The following CNTNAP4 variants were observed in gnomAD, a reference collection of about 807,000 sequenced individuals.
The protein encoded by CNTNAP4 is contactin associated protein family member 4.
In CNTNAP4, 98 loss-of-function variants were observed where a neutral mutation model predicts 148.4. The ratio of observed to expected loss-of-function variants is 0.66; its 90% CI spans 0.56 to 0.78. The LOEUF (loss-of-function observed/expected upper bound fraction) is 0.78. Ranked by LOEUF, CNTNAP4 falls within the 30% of genes least tolerant of loss-of-function variation. The probability of loss-of-function intolerance (pLI) is 0.00; values close to 1 mark genes in which losing one functional copy is unlikely to be tolerated. For synonymous variants in CNTNAP4, 730 were observed against 565.1 expected (o/e 1.29, Z -4.14); for missense variants, 1,935 against 1,565.6 (o/e 1.24, Z -3.98).
rs1555518793 is a variant in CNTNAP4, at chr16:76,307,539, T to TGTATATAC, written c.86-8874_86-8873insGTATATAC. ...ATATATATATATATATATATATATA[T>TGTATATAC]ACCAAACTCCAGAAATGCTTACCCC... On this transcript the variant is annotated intron_variant, in intron 1 of 23. Transcript: ENST00000611870. Among the ~76,000 whole-genome samples, 8 of 119,378 alleles carry TGTATATAC rather than the reference T, an allele frequency of 6.7e-5. 2 individuals carry two copies. Among genetic ancestry groups the TGTATATAC allele is most frequent in the African/African-American group, 2.7e-4 (8 of 29,868 alleles). 78.3% of individuals were successfully genotyped at this position (119,378 alleles called of 152,430 possible).
At chr16:76,419,730 G>T (rs913584114) in intron 3 of CNTNAP4, among the ~76,000 whole-genome samples, 6 of 152,008 alleles carry the variant, frequency 3.9e-5, no homozygotes, top group Non-Finnish European at 8.8e-5. Context: ...TTAAACAACA[G>T]ACATTTATTA....
At chr16:76,317,583 C>T (rs945478520) in intron 2 of CNTNAP4, among the ~76,000 whole-genome samples, 1 of 152,140 alleles carries the variant, frequency 6.6e-6, no homozygotes, top group African/African-American at 2.4e-5. Context: ...TTTTGGTTCT[C>T]CCATTTATTA....
chr16:76,489,614 T>G, intron 12 of CNTNAP4, 72 bp from the exon 13 acceptor site: 1 of 825,180 alleles, frequency 1.2e-6, no homozygotes, highest in Non-Finnish European at 1.7e-6. Flanking sequence ...GATTTTGATT[T>G]TCTTTATTTA....
At chr16:76,433,842 G>A (rs543106911) in intron 4 of CNTNAP4, among the ~76,000 whole-genome samples, 16 of 152,224 alleles carry the variant, frequency 1.1e-4, no homozygotes, top group Middle Eastern at 3.4e-3. Flanking sequence ...TTATCTATCA[G>A]CTAATATAGT....
chr16:76,349,947 A>G (rs1448451817), intron 2 of CNTNAP4, among the ~76,000 whole-genome samples: 2 of 151,962 alleles, frequency 1.3e-5, no homozygotes, highest in Non-Finnish European at 2.9e-5. Context: ...GGTGATTCTT[A>G]TCTATATTTT....
At chr16:76,544,277 A>G (rs1296935719) in intron 21 of CNTNAP4, among the ~76,000 whole-genome samples, 2 of 151,862 alleles carry the variant, frequency 1.3e-5, no homozygotes, top group African/African-American at 4.8e-5. Flanking sequence ...TAACTGTCCC[A>G]TGCTTTTTCA....
intron 17 of CNTNAP4, among the ~76,000 whole-genome samples, chr16:76,524,852 A>C (rs2083646646): frequency 6.6e-6 from 1 of 152,172 alleles, no homozygotes. Flanking sequence ...TTGTGAAAAA[A>C]GGTGACATAT....
At chr16:76,545,105 A>G (rs1002658412) in intron 21 of CNTNAP4, among the ~76,000 whole-genome samples, 6 of 152,252 alleles carry the variant, frequency 3.9e-5, no homozygotes, top group African/African-American at 1.4e-4. Context: ...ATGTTTTAAA[A>G]GGAAAGTGCA....
In CNTNAP4 at chr16:76,482,180, G is replaced by A. The variant is rs140012576; in HGVS notation, c.1882+2642G>A. Among the ~76,000 whole-genome samples, 546 of 152,138 alleles carry A rather than the reference G, an allele frequency of 3.6e-3. 3 individuals carry two copies. Among genetic ancestry groups the A allele is most frequent in the African/African-American group, 0.012 (517 of 41,524 alleles). ...TTGTACTTTATAAGATACAATTTCA[G>A]TATCTTAATTGTATTGGGAGACCAT... On this transcript the variant is annotated intron_variant, in intron 12 of 23. Transcript: ENST00000611870.
chr16:76,320,236 T>C (rs1345866323), intron 2 of CNTNAP4, among the ~76,000 whole-genome samples: 1 of 152,178 alleles, frequency 6.6e-6, no homozygotes, highest in African/African-American at 2.4e-5. Context: ...TGGGTAAAGA[T>C]TAGATCTTGT....
chr16:76,442,751 G>A (rs1187454542), intron 4 of CNTNAP4, among the ~76,000 whole-genome samples: 2 of 151,980 alleles, frequency 1.3e-5, no homozygotes, highest in Non-Finnish European at 2.9e-5. Context: ...CATTCATAAG[G>A]GATCTGCCTC....
chr16:76,369,460 A>G (rs529426777), intron 3 of CNTNAP4, among the ~76,000 whole-genome samples: 6 of 152,296 alleles, frequency 3.9e-5, no homozygotes, highest in African/African-American at 1.2e-4. Context: ...ATAACCAGGA[A>G]AGCTGGTGGT....
chr16:76,448,286 T>C (rs2080325319), intron 5 of CNTNAP4, 71 bp downstream of exon 5: 1 of 1,089,084 alleles, frequency 9.2e-7, no homozygotes, highest in Non-Finnish European at 1.3e-6. Flanking sequence ...TATGCTTTTA[T>C]AGCTTATCTT....
intron 8 of CNTNAP4, among the ~76,000 whole-genome samples, chr16:76,453,116 C>T (rs1229329094): frequency 1.3e-5 from 2 of 152,122 alleles, no homozygotes; most frequent in South Asian, 4.1e-4. Context: ...AAGTGTTCTT[C>T]AATGGAAAAC....
intron 4 of CNTNAP4, among the ~76,000 whole-genome samples, chr16:76,429,265 A>G (rs1475858005): frequency 1.3e-5 from 2 of 152,136 alleles, no homozygotes; most frequent in African/African-American, 4.8e-5. Context: ...TTGTCTTTGG[A>G]TCGTAGAGCT....
intron 14 of CNTNAP4, among the ~76,000 whole-genome samples, chr16:76,497,470 C>T (rs538116133): frequency 1.3e-5 from 2 of 151,914 alleles, no homozygotes; most frequent in East Asian, 1.9e-4. Context: ...CAAGAGGAGG[C>T]AGCAAAGGAA....
intron 4 of CNTNAP4, among the ~76,000 whole-genome samples, chr16:76,446,289 A>G (rs545920284): frequency 1.5e-3 from 232 of 152,308 alleles, no homozygotes; most frequent in African/African-American, 5.3e-3. Flanking sequence ...GTTGACTGGA[A>G]GAAGCCAGCT....
At chr16:76,409,850 G>C (rs897597879) in intron 3 of CNTNAP4, among the ~76,000 whole-genome samples, 5 of 151,832 alleles carry the variant, frequency 3.3e-5, no homozygotes, top group Admixed American at 1.3e-4. Context: ...TTAATAAACT[G>C]TCTGTAACAC....
chr16:76,445,581 A>C (rs1361335101), intron 4 of CNTNAP4, among the ~76,000 whole-genome samples: 1 of 152,134 alleles, frequency 6.6e-6, no homozygotes, highest in African/African-American at 2.4e-5. Flanking sequence ...ATGGTTTTAT[A>C]TGTTTTTCTC....
Sources: gnomAD v4.1 joint callset for allele counts (sites outside exome capture counted in the v4.1 genomes callset) on GRCh38, gnomAD v4.1.1 for gene constraint, MANE v1.5 for transcripts, NCBI Gene and HGNC (gene_info 2026-07-23, HGNC 2026-07-21) for gene names.